FAM20A: variants seen among roughly 807,000 people sequenced by gnomAD.
FAM20A encodes the protein pseudokinase FAM20A.
FAM20A carries 42 observed loss-of-function variants against 52.0 expected under a neutral mutation model. The observed-to-expected ratio is 0.81, with a 90% CI of 0.63 to 1.04. The LOEUF (loss-of-function observed/expected upper bound fraction) is 1.04. FAM20A is among the 50% of genes least tolerant of loss of function. FAM20A has a pLI of 0.00. For missense variants in FAM20A, 742 were observed against 712.7 expected, an observed-to-expected ratio of 1.04 and a Z score of -0.47; for synonymous variants, 304 against 298.9, an observed-to-expected ratio of 1.02 and a Z score of -0.18.
At chr17:68,586,689 C>T (rs1250095496) in intron 1 of FAM20A, among the ~76,000 whole-genome samples, 5 of 152,238 alleles carry the variant, frequency 3.3e-5, no homozygotes, top group Non-Finnish European at 5.9e-5. Flanking sequence ...GCGTGCTGCC[C>T]TTCTGGCACC....
intron 4 of FAM20A, 35 bp from the exon 5 acceptor site, chr17:68,543,756 G>A: frequency 6.4e-7 from 1 of 1,570,376 alleles, no homozygotes; most frequent in Non-Finnish European, 8.8e-7. Flanking sequence ...CCTGGACTCA[G>A]ACTTCAGCTG....
intron 1 of FAM20A, among the ~76,000 whole-genome samples, chr17:68,582,007 CTTA>C (rs2088019330): frequency 6.6e-6 from 1 of 152,114 alleles, no homozygotes; most frequent in Non-Finnish European, 1.5e-5. Flanking sequence ...CAGCACTGTG[CTTA>C]ACATAGAGTA....
In FAM20A at chr17:68,600,233, G is replaced by T; in HGVS notation, c.404+30C>A. 1 of 1,548,754 alleles carries T rather than the reference G, an allele frequency of 6.5e-7. No individual in the cohort carries two copies. Reference sequence around the variant, plus strand: ...CGGGGAGGCCCCGGCCAGAGCGCCCGCTCTCCCGCGTCCCGGGCGGGGTCC... The same window carrying T: ...CGGGGAGGCCCCGGCCAGAGCGCCCTCTCTCCCGCGTCCCGGGCGGGGTCC... On this transcript the variant is annotated intron_variant, in intron 1 of 10. Coordinates refer to ENST00000592554, the MANE Select transcript of FAM20A (RefSeq NM_017565.4). The surrounding 1 kb of genome is among the most constrained non-coding windows in gnomAD (Gnocchi z 6.2).
At chr17:68,554,854 A>T in intron 2 of FAM20A, 27 bp from the exon 3 acceptor site, 1 of 1,613,040 alleles carries the variant, frequency 6.2e-7, no homozygotes, top group South Asian at 1.1e-5. Flanking sequence ...GGGCAATGAG[A>T]ACTTCCAGTC....
At chr17:68,584,359 C>G (rs2088107930) in intron 1 of FAM20A, among the ~76,000 whole-genome samples, 1 of 143,478 alleles carries the variant, frequency 7.0e-6, no homozygotes, top group South Asian at 2.4e-4. Flanking sequence ...AAAAAAAAAC[C>G]CAAACACAAA....
chr17:68,570,948 C>T (rs1046681094), intron 1 of FAM20A, among the ~76,000 whole-genome samples: 1 of 152,144 alleles, frequency 6.6e-6, no homozygotes, highest in Non-Finnish European at 1.5e-5. Context: ...CTGTACATTT[C>T]CTGGAGCTGT....
At chr17:68,594,915 C>A (rs1452043529) in intron 1 of FAM20A, among the ~76,000 whole-genome samples, 1 of 152,148 alleles carries the variant, frequency 6.6e-6, no homozygotes, top group Non-Finnish European at 1.5e-5. Context: ...TGGTACGGGG[C>A]CTTAATTACA....
chr17:68,574,983 A>G (rs1365818529), intron 1 of FAM20A: 1 of 152,222 alleles, frequency 6.6e-6, no homozygotes, highest in Admixed American at 6.5e-5. Flanking sequence ...AGGATGAGGC[A>G]ATGTGACCAC....
chr17:68,537,521 C>T lies in FAM20A; in HGVS notation c.1582G>A (p.Glu528Lys). The change falls in exon 11 of 11, where the codon GAA becomes AAA. Residue 528 changes from glutamate (E) to lysine (K), a missense_variant. Coordinates refer to ENST00000592554, the MANE Select transcript of FAM20A (RefSeq NM_017565.4). This position sits in a 1 kb window ranked among gnomAD's most constrained non-coding sequence, Gnocchi z 4.2. ...TGGCCAGAGTCTGGGGCCAACTGTT[C>T]CACTGGGCCGTCGACTATGACACTC... ...QQSVIVDGPV[E>K]QLAPDSGQAN... The T allele has an allele frequency of 6.2e-7, 1 of 1,613,890 alleles. No homozygotes were observed. Among genetic ancestry groups the T allele is most frequent in the Non-Finnish European group, 8.5e-7 (1 of 1,179,928 alleles).
At chr17:68,549,786 A>G (rs2086748102) in intron 4 of FAM20A, among the ~76,000 whole-genome samples, 2 of 151,018 alleles carry the variant, frequency 1.3e-5, no homozygotes, top group Admixed American at 1.3e-4. Context: ...GCATTGTGCC[A>G]AAGAGTCACA....
chr17:68,563,476 T>G (rs1229808506), intron 1 of FAM20A, among the ~76,000 whole-genome samples: 1 of 151,634 alleles, frequency 6.6e-6, no homozygotes, highest in Non-Finnish European at 1.5e-5. Context: ...CAGCTTCCAC[T>G]TTTCACAGCC....
intron 1 of FAM20A, among the ~76,000 whole-genome samples, chr17:68,579,656 C>T (rs1224461429): frequency 6.6e-6 from 1 of 152,170 alleles, no homozygotes; most frequent in Non-Finnish European, 1.5e-5. Flanking sequence ...ATTTCTCACT[C>T]ATGCTACTTG....
chr17:68,561,844 A>G (rs943121951), intron 1 of FAM20A, among the ~76,000 whole-genome samples: 2 of 151,764 alleles, frequency 1.3e-5, no homozygotes, highest in Non-Finnish European at 2.9e-5. Context: ...ATTTTTTGAG[A>G]CAGAGTCTCC....
intron 1 of FAM20A, among the ~76,000 whole-genome samples, chr17:68,586,593 T>A (rs145219880): frequency 1.3e-5 from 2 of 152,352 alleles, no homozygotes; most frequent in African/African-American, 2.4e-5. Flanking sequence ...AATGTGATCA[T>A]GGAGGCAGAG....
chr17:68,536,612 G>A lies in FAM20A; in HGVS notation c.*865C>T, dbSNP rs147481177. The A allele has an allele frequency of 2.1e-4, 94 of 452,652 alleles. 1 individual carries two copies. Among genetic ancestry groups the A allele is most frequent in the African/African-American group, 1.6e-3 (78 of 49,888 alleles). The allele number at this position is 452,652 out of a possible 1,614,324, so 28.0% of individuals were successfully genotyped here. ...GGGATGGGCCGGGGACAATCCTGGG[G>A]TCTTAGGGAAGAAGATTGTGGTTGG... On this transcript the variant is annotated 3_prime_UTR_variant, in exon 11 of 11. Transcript: ENST00000592554.
chr17:68,574,306 C>A (rs2087663675), intron 1 of FAM20A, among the ~76,000 whole-genome samples: 1 of 152,182 alleles, frequency 6.6e-6, no homozygotes, highest in Non-Finnish European at 1.5e-5. Context: ...CCTAAGCGAT[C>A]CTCTGCAGAG....
intron 1 of FAM20A, among the ~76,000 whole-genome samples, chr17:68,578,425 C>T (rs183570892): frequency 3.9e-4 from 60 of 152,230 alleles, no homozygotes; most frequent in African/African-American, 1.3e-3. Flanking sequence ...TGCTAATTTG[C>T]GTGGTATTAT....
chr17:68,536,819 T>G lies in FAM20A; in HGVS notation c.*658A>C. 7 of 454,162 alleles carry G rather than the reference T, an allele frequency of 1.5e-5. No individual in the cohort carries two copies. The highest frequency in any genetic ancestry group is 2.6e-5 in the Non-Finnish European group (6 of 226,796). 28.1% of individuals were successfully genotyped at this position (454,162 alleles called of 1,614,324 possible). On this transcript the variant is annotated 3_prime_UTR_variant, in exon 11 of 11. Coordinates refer to ENST00000592554, the MANE Select transcript of FAM20A (RefSeq NM_017565.4). ...TGATGTTATTTCAATTGTAATACTC[T>G]TCAAATTGGAACACTCCTTTTCTGA...
At chr17:68,588,937 C>A (rs1230874025) in intron 1 of FAM20A, among the ~76,000 whole-genome samples, 1 of 152,200 alleles carries the variant, frequency 6.6e-6, no homozygotes. Flanking sequence ...GGACAACTCA[C>A]CAGCAGAAGG....
Sources: gnomAD v4.1 joint callset for allele counts (sites outside exome capture counted in the v4.1 genomes callset) on GRCh38, gnomAD v4.1.1 for gene constraint, Gnocchi (gnomAD v3.1) non-coding constraint, MANE v1.5 for transcripts, NCBI Gene and HGNC (gene_info 2026-07-23, HGNC 2026-07-21) for gene names.